WIPI2: variants seen among roughly 807,000 people sequenced by gnomAD.
The protein encoded by WIPI2 is WD repeat domain, phosphoinositide interacting 2.
A neutral mutation model predicts 52.3 loss-of-function variants in WIPI2; 28 were observed. The observed-to-expected ratio is 0.54, with a 90% CI of 0.40 to 0.73. WIPI2 has a LOEUF of 0.73. WIPI2 is among the 30% of genes least tolerant of loss of function. The pLI is 0.00. For synonymous variants in WIPI2, 268 were observed against 245.0 expected (o/e 1.09, Z -0.88); for missense variants, 506 against 602.9 (o/e 0.84, Z 1.68).
chr7:5,200,495 G>A (rs1342338336), intron 3 of WIPI2, among the ~76,000 whole-genome samples: 1 of 152,056 alleles, frequency 6.6e-6, no homozygotes, highest in Non-Finnish European at 1.5e-5. Flanking sequence ...CCTCTCCTGA[G>A]CACACTCTCC....
Position 5,222,519 on chromosome 7 carries a change from G to T in WIPI2, c.670-83G>T. ...GAGCTGTCCTGGAGATAGCCGTGTG[G>T]CGCATTTGCAGTCTGCTGTGAAAGA... On this transcript the variant is annotated intron_variant, in intron 7 of 12. Coordinates refer to ENST00000288828, the MANE Select transcript of WIPI2 (RefSeq NM_015610.4). 8 of 1,392,936 alleles carry T rather than the reference G, an allele frequency of 5.7e-6. 1 individual carries two copies. The South Asian group carries it at 8.1e-5, about 14-fold the overall frequency. 86.3% of individuals were successfully genotyped at this position (1,392,936 alleles called of 1,614,324 possible).
At chr7:5,196,050 T>G (rs1781732330) in intron 2 of WIPI2, among the ~76,000 whole-genome samples, 1 of 142,876 alleles carries the variant, frequency 7.0e-6, no homozygotes, top group East Asian at 2.2e-4. Context: ...AAAAAAAAAC[T>G]TATCTTTTGC....
chr7:5,229,167 C>T (rs1252234442), intron 11 of WIPI2, among the ~76,000 whole-genome samples: 5 of 152,234 alleles, frequency 3.3e-5, no homozygotes, highest in Non-Finnish European at 5.9e-5. Flanking sequence ...AGGTGCATGC[C>T]ACCATGCCCT....
At chr7:5,204,924 C>A (rs1171141996) in intron 3 of WIPI2, among the ~76,000 whole-genome samples, 1 of 152,206 alleles carries the variant, frequency 6.6e-6, no homozygotes. Context: ...CATCTTCCTG[C>A]CTCAGCCTCC....
chr7:5,203,946 G>C (rs1050022026), intron 3 of WIPI2, among the ~76,000 whole-genome samples: 4 of 152,192 alleles, frequency 2.6e-5, no homozygotes, highest in African/African-American at 9.7e-5. Flanking sequence ...CTTAGTGTCA[G>C]CGTGAGTGCC....
At chr7:5,208,606 A>G (rs561108382) in intron 3 of WIPI2, among the ~76,000 whole-genome samples, 2 of 152,124 alleles carry the variant, frequency 1.3e-5, no homozygotes, top group Non-Finnish European at 2.9e-5. Flanking sequence ...ATTTTTATGT[A>G]TGTTGTGAGG....
intron 8 of WIPI2, among the ~76,000 whole-genome samples, chr7:5,225,403 A>C (rs1783379400): frequency 6.6e-6 from 1 of 152,102 alleles, no homozygotes; most frequent in South Asian, 2.1e-4. Flanking sequence ...GGCCTCCCAA[A>C]GTGCTGGGAT....
chr7:5,196,263 C>T (rs1289452286), intron 2 of WIPI2, among the ~76,000 whole-genome samples: 2 of 151,882 alleles, frequency 1.3e-5, no homozygotes, highest in African/African-American at 2.4e-5. Flanking sequence ...GCAGGAGAAT[C>T]GCTTGAACCC....
At chr7:5,190,820 T>C (rs937286331) in intron 1 of WIPI2, 23 of 226,120 alleles carry the variant, frequency 1.0e-4, no homozygotes, top group Non-Finnish European at 1.8e-4. Flanking sequence ...GCTTGACTTG[T>C]CTTGGCCGCC....
intron 9 of WIPI2, 183 bp downstream of exon 9, chr7:5,226,113 C>T (rs899119011): frequency 3.3e-6 from 2 of 610,962 alleles, no homozygotes; most frequent in Non-Finnish European, 5.9e-6. Context: ...GGATGGGCCC[C>T]AGCAGATGAG....
intron 2 of WIPI2, among the ~76,000 whole-genome samples, chr7:5,196,193 G>T (rs1331964827): frequency 6.6e-6 from 1 of 151,976 alleles, no homozygotes; most frequent in African/African-American, 2.4e-5. Flanking sequence ...CAAAAAATTT[G>T]CTGGGCACGG....
At chr7:5,217,791 G>C in intron 6 of WIPI2, 131 bp from the exon 7 acceptor site, 4 of 821,526 alleles carry the variant, frequency 4.9e-6, no homozygotes, top group Non-Finnish European at 8.1e-6. Flanking sequence ...TAAATCAAGT[G>C]GGTTTGGCAT....
At chr7:5,209,034 T>TTTTTTTG (rs1782430063) in intron 3 of WIPI2, among the ~76,000 whole-genome samples, 1 of 113,158 alleles carries the variant, frequency 8.8e-6, no homozygotes, top group African/African-American at 3.3e-5. Flanking sequence ...TTTTTTTTTT[T>TTTTTTTG]GGTATGGAGG....
intron 3 of WIPI2, among the ~76,000 whole-genome samples, chr7:5,209,949 C>T (rs1006933558): frequency 3.3e-5 from 5 of 151,922 alleles, no homozygotes; most frequent in Non-Finnish European, 7.4e-5. Context: ...GTTGTGCTGC[C>T]CATGCTGGAG....
intron 1 of WIPI2, chr7:5,190,792 T>A (rs1450851205): frequency 7.4e-6 from 2 of 270,406 alleles, no homozygotes; most frequent in Non-Finnish European, 1.4e-5. Context: ...TCTCGCAAAG[T>A]TGGGGCCGAA....
intron 2 of WIPI2, among the ~76,000 whole-genome samples, chr7:5,199,359 G>A (rs1031933913): frequency 1.3e-4 from 20 of 152,204 alleles, no homozygotes; most frequent in African/African-American, 4.8e-4. Context: ...AGTTTTATAG[G>A]ATTTAAGTAA....
At chr7:5,222,501 C>A (rs1229104937) in intron 7 of WIPI2, 101 bp from the exon 8 acceptor site, 1 of 1,257,056 alleles carries the variant, frequency 8.0e-7, no homozygotes, top group Non-Finnish European at 1.2e-6. Flanking sequence ...GCAGAGCTGT[C>A]CTGGAGATAG....
chr7:5,219,232 G>A (rs569966950), intron 7 of WIPI2, among the ~76,000 whole-genome samples: 118 of 152,312 alleles, frequency 7.7e-4, no homozygotes, highest in African/African-American at 2.7e-3. Flanking sequence ...GCCCGGGGCC[G>A]CCCAACTGGG....
chr7:5,214,320 G>T, intron 3 of WIPI2: 1 of 1,558,314 alleles, frequency 6.4e-7, no homozygotes, highest in Non-Finnish European at 8.7e-7. Flanking sequence ...CTCGTGAGGG[G>T]CCATCCTTAG....
Sources: allele counts gnomAD v4.1 joint callset (sites outside exome capture counted in the v4.1 genomes callset), GRCh38; gene constraint gnomAD v4.1.1; transcripts MANE v1.5; gene names NCBI Gene and HGNC (gene_info 2026-07-23, HGNC 2026-07-21).